The following AHCYL2 variants were observed in gnomAD, a reference collection of about 807,000 sequenced individuals.
AHCYL2 encodes adenosylhomocysteinase like 2.
A neutral mutation model predicts 81.4 loss-of-function variants in AHCYL2; 28 were observed. The ratio of observed to expected loss-of-function variants is 0.34; its 90% confidence interval spans 0.25 to 0.47. The LOEUF (loss-of-function observed/expected upper bound fraction) is 0.47, where lower values mean the gene tolerates loss of function less well. AHCYL2 is among the 20% of genes least tolerant of loss of function. AHCYL2 has a pLI of 1.00. For missense variants in AHCYL2, 551 were observed against 785.1 expected, an observed-to-expected ratio of 0.70 and a Z score of 3.56; for synonymous variants, 272 against 290.2, an observed-to-expected ratio of 0.94 and a Z score of 0.64.
chr7:129,285,478 A>G (rs971810809), intron 1 of AHCYL2, among the ~76,000 whole-genome samples: 8 of 152,108 alleles, frequency 5.3e-5, no homozygotes, highest in Non-Finnish European at 1.2e-4. Context: ...CAGTCTTCCC[A>G]TGGTGTCAGG....
intron 1 of AHCYL2, among the ~76,000 whole-genome samples, chr7:129,366,776 C>CAAAAAA (rs59464433): frequency 7.2e-6 from 1 of 138,364 alleles, no homozygotes; most frequent in African/African-American, 2.7e-5. Flanking sequence ...AACTCTGTCT[C>CAAAAAA]AAAAAAAAAA....
chr7:129,304,510 A>G (rs1211265991), intron 1 of AHCYL2, among the ~76,000 whole-genome samples: 1 of 152,090 alleles, frequency 6.6e-6, no homozygotes, highest in Non-Finnish European at 1.5e-5. Context: ...ATTGTTTTGG[A>G]GTCTTATCTA....
At chr7:129,318,858 T>C (rs1797916731) in intron 1 of AHCYL2, among the ~76,000 whole-genome samples, 1 of 152,062 alleles carries the variant, frequency 6.6e-6, no homozygotes, top group African/African-American at 2.4e-5. Context: ...AGTTCTTTAG[T>C]GGTGATTTCT....
chr7:129,311,285 A>C (rs1051034125), intron 1 of AHCYL2, among the ~76,000 whole-genome samples: 1 of 152,200 alleles, frequency 6.6e-6, no homozygotes, highest in Non-Finnish European at 1.5e-5. Context: ...ATTTACATAG[A>C]AACAGGATAT....
At chr7:129,355,722 G>A (rs1188337002) in intron 1 of AHCYL2, among the ~76,000 whole-genome samples, 1 of 152,134 alleles carries the variant, frequency 6.6e-6, no homozygotes, top group Non-Finnish European at 1.5e-5. Context: ...CACTCTGTAG[G>A]TCTCCCTTAA....
intron 1 of AHCYL2, among the ~76,000 whole-genome samples, chr7:129,333,594 G>A (rs1798496063): frequency 6.6e-6 from 1 of 152,088 alleles, no homozygotes; most frequent in Non-Finnish European, 1.5e-5. Context: ...AAGTGAGTGT[G>A]GCAGTTACTC....
At chr7:129,356,650 A>G (rs928963833) in intron 1 of AHCYL2, among the ~76,000 whole-genome samples, 3 of 152,196 alleles carry the variant, frequency 2.0e-5, no homozygotes, top group African/African-American at 7.2e-5. Context: ...AGAGCAATGT[A>G]TCCTCATTCC....
chr7:129,267,088 A>G (rs1166148851), intron 1 of AHCYL2, among the ~76,000 whole-genome samples: 2 of 152,332 alleles, frequency 1.3e-5, no homozygotes, highest in East Asian at 3.9e-4. Flanking sequence ...AGAAGGGGAA[A>G]TGATCATTTT....
chr7:129,402,177 A>G (rs1028665448), intron 6 of AHCYL2, among the ~76,000 whole-genome samples: 8 of 152,186 alleles, frequency 5.3e-5, no homozygotes, highest in Admixed American at 3.9e-4. Context: ...TGGGAGAGAG[A>G]AACTCAGAAG....
chr7:129,365,640 A>ATATATATGGG (rs1794086247), intron 1 of AHCYL2, among the ~76,000 whole-genome samples: 1 of 149,026 alleles, frequency 6.7e-6, no homozygotes, highest in South Asian at 2.2e-4. Context: ...ATATATATAT[A>ATATATATGGG]TATATGGGTA....
intron 1 of AHCYL2, among the ~76,000 whole-genome samples, chr7:129,291,125 C>T (rs1796835226): frequency 6.6e-6 from 1 of 151,984 alleles, no homozygotes; most frequent in African/African-American, 2.4e-5. Context: ...ACCTTTCCTC[C>T]CCTCAGGTTC....
intron 1 of AHCYL2, among the ~76,000 whole-genome samples, chr7:129,300,417 T>C (rs1797219737): frequency 6.6e-6 from 1 of 152,226 alleles, no homozygotes; most frequent in African/African-American, 2.4e-5. Flanking sequence ...GTGCCTGGCT[T>C]ATTTCACTTA....
chr7:129,236,020 CTTTT>C (rs947797821), intron 1 of AHCYL2, among the ~76,000 whole-genome samples: 1 of 129,610 alleles, frequency 7.7e-6, no homozygotes, highest in Non-Finnish European at 1.7e-5. Flanking sequence ...CAAAGATAGC[CTTTT>C]TTTTTTTTTT....
intron 1 of AHCYL2, among the ~76,000 whole-genome samples, chr7:129,300,355 T>C (rs1195756049): frequency 6.6e-6 from 1 of 152,146 alleles, no homozygotes; most frequent in East Asian, 1.9e-4. Context: ...GTTCAATTCT[T>C]TTAATTTTTA....
chr7:129,254,823 G>C (rs1795356587), intron 1 of AHCYL2, among the ~76,000 whole-genome samples: 1 of 152,196 alleles, frequency 6.6e-6, no homozygotes, highest in Admixed American at 6.5e-5. Context: ...CACAGGCTGT[G>C]ATGGGGAAGA....
chr7:129,421,081 T>G (rs977747991), intron 12 of AHCYL2, among the ~76,000 whole-genome samples: 1 of 152,066 alleles, frequency 6.6e-6, no homozygotes. Flanking sequence ...TGAAACCCCA[T>G]CTCTACTAAA....
At chr7:129,299,366 CTTGTTTTTTTTTTTTTTTTTTTT>C (rs1563186618) in intron 1 of AHCYL2, among the ~76,000 whole-genome samples, 1 of 83,732 alleles carries the variant, frequency 1.2e-5, no homozygotes, top group African/African-American at 4.5e-5. Flanking sequence ...GAGAGTCCAA[CTTGTTTTTTTTTTTTTTTTTTTT>C]TTTTTTTTTT....
intron 1 of AHCYL2, among the ~76,000 whole-genome samples, chr7:129,311,080 C>A (rs1227559471): frequency 6.6e-6 from 1 of 151,206 alleles, no homozygotes; most frequent in Admixed American, 6.6e-5. Context: ...TGCACTCCAG[C>A]CTGGGCAAGA....
chr7:129,245,015 G>C (rs1372666438), intron 1 of AHCYL2, among the ~76,000 whole-genome samples: 1 of 145,234 alleles, frequency 6.9e-6, no homozygotes, highest in East Asian at 2.0e-4. Context: ...ATATATATTT[G>C]TAGAATATTC....
Sources: gnomAD v4.1 joint callset for allele counts (sites outside exome capture counted in the v4.1 genomes callset) on GRCh38, gnomAD v4.1.1 for gene constraint, MANE v1.5 for transcripts, NCBI Gene and HGNC (gene_info 2026-07-23, HGNC 2026-07-21) for gene names.